PCDH15: variants seen among roughly 807,000 people sequenced by gnomAD.
The protein encoded by PCDH15 is protocadherin related 15.
PCDH15 carries 129 observed loss-of-function variants against 178.5 expected under a neutral mutation model. The ratio of observed to expected loss-of-function variants is 0.72; its 90% confidence interval spans 0.63 to 0.84. PCDH15 has a LOEUF of 0.84. Ranked by LOEUF, PCDH15 falls within the 40% of genes least tolerant of loss-of-function variation. PCDH15 has a pLI of 0.00. For missense variants in PCDH15, 2,230 were observed against 2,099.9 expected, an observed-to-expected ratio of 1.06 and a Z score of -1.21; for synonymous variants, 800 against 732.0, an observed-to-expected ratio of 1.09 and a Z score of -1.50.
Position 55,298,779 on chromosome 10 carries a change from C to T in PCDH15, c.-156+20820G>A, listed in dbSNP as rs546872016. ...CTTTTTAGTAGAGACGGTTTCACCA[C>T]GTTTGCCAGGCTGGTCTCCAACTCC... On this transcript the variant is annotated intron_variant, in intron 1 of 5. Transcript: ENST00000458638. 5.3e-5 allele frequency among the ~76,000 whole-genome samples: 8 copies of T among 152,110 alleles called. No individual in the cohort carries two copies. In the South Asian group the frequency reaches 6.2e-4, roughly 12 times the overall value.
intron 2 of PCDH15, among the ~76,000 whole-genome samples, chr10:55,412,246 T>G (rs1310091199): frequency 6.6e-6 from 1 of 152,028 alleles, no homozygotes; most frequent in Non-Finnish European, 1.5e-5. Context: ...GAGATGCAGT[T>G]GACTAGTTGG....
intron 32 of PCDH15, chr10:53,823,094 C>A: frequency 1.2e-6 from 2 of 1,613,888 alleles, no homozygotes; most frequent in Non-Finnish European, 1.7e-6. Context: ...AATCTGTTCT[C>A]TGTGAAATGT....
chr10:55,625,662 A>C (rs746107555), intron 2 of PCDH15, among the ~76,000 whole-genome samples: 3 of 152,176 alleles, frequency 2.0e-5, no homozygotes, highest in Non-Finnish European at 2.9e-5. Flanking sequence ...TTGGGATTCT[A>C]AAGTCTTTTC....
At chr10:54,922,904 C>T (rs1837529973) in intron 2 of PCDH15, among the ~76,000 whole-genome samples, 2 of 152,180 alleles carry the variant, frequency 1.3e-5, no homozygotes, top group African/African-American at 4.8e-5. Context: ...CTTCTCACAG[C>T]TTCACTAGGG....
chr10:53,937,563 A>G (rs541775589), intron 25 of PCDH15, among the ~76,000 whole-genome samples: 86 of 152,310 alleles, frequency 5.6e-4, no homozygotes, highest in Admixed American at 3.7e-3. Context: ...ATAATTATTG[A>G]GGACAATTCA....
At chr10:55,093,281 CA>C (rs1391877846) in intron 2 of PCDH15, among the ~76,000 whole-genome samples, 1 of 151,752 alleles carries the variant, frequency 6.6e-6, no homozygotes, top group Non-Finnish European at 1.5e-5. Context: ...TAATGTGTCA[CA>C]AATTGTAATT....
intron 10 of PCDH15, among the ~76,000 whole-genome samples, chr10:54,196,323 T>C (rs2049646129): frequency 6.6e-6 from 1 of 151,942 alleles, no homozygotes; most frequent in Non-Finnish European, 1.5e-5. Flanking sequence ...TTTGTATTTT[T>C]AGTAGAGACA....
chr10:55,100,690 T>C (rs1842556757), intron 2 of PCDH15, among the ~76,000 whole-genome samples: 1 of 152,104 alleles, frequency 6.6e-6, no homozygotes, highest in Admixed American at 6.6e-5. Context: ...TGAGAAATCA[T>C]GCATCCCCAC....
chr10:54,329,598 T>G lies in PCDH15; in HGVS notation c.703A>C (p.Asn235His), dbSNP rs1938986298. The change falls in exon 7 of 38, where the codon AAT becomes CAT. Residue 235 changes from asparagine to histidine, a missense_variant and splice_region_variant. Asn to His is a moderately conservative substitution (Grantham distance 68). Coordinates refer to ENST00000644397, the MANE Select transcript of PCDH15 (RefSeq NM_001384140.1). The stretch of plus-strand genomic sequence containing the variant: ...TTTAAAAGAAATTGAATACTCACAT[T>G]AGCTTGGATTATGACAAAGTAGCGA... ...KTRYFVIIQA[N>H]DRAQNLNERR... 6.4e-7 allele frequency: 1 copy of G among 1,574,798 alleles called. No homozygotes were observed.
At chr10:54,269,233 G>C (rs1050844307) in intron 8 of PCDH15, among the ~76,000 whole-genome samples, 1 of 151,768 alleles carries the variant, frequency 6.6e-6, no homozygotes, top group Non-Finnish European at 1.5e-5. Flanking sequence ...AAACCAATAG[G>C]TGTTTTTCAG....
intron 2 of PCDH15, among the ~76,000 whole-genome samples, chr10:55,076,063 T>G (rs1402531111): frequency 1.3e-5 from 2 of 152,180 alleles, no homozygotes; most frequent in Admixed American, 1.3e-4. Flanking sequence ...TTTCTTGGAA[T>G]TGATTTCTAG....
intron 8 of PCDH15, among the ~76,000 whole-genome samples, chr10:54,308,801 A>G (rs2060712608): frequency 6.6e-6 from 1 of 151,428 alleles, no homozygotes; most frequent in African/African-American, 2.4e-5. Flanking sequence ...ACCCCCAGAC[A>G]GGCCCCCATG....
chr10:54,345,460 T>TG, intron 6 of PCDH15, among the ~76,000 whole-genome samples: 1 of 152,206 alleles, frequency 6.6e-6, no homozygotes, highest in Non-Finnish European at 1.5e-5. Flanking sequence ...ATAATTGCTT[T>TG]GGGGGGCCCG....
intron 8 of PCDH15, among the ~76,000 whole-genome samples, chr10:54,266,458 A>G (rs2057697010): frequency 6.6e-6 from 1 of 151,942 alleles, no homozygotes; most frequent in Non-Finnish European, 1.5e-5. Flanking sequence ...AACAAAAATA[A>G]GAACAGGACT....
intron 13 of PCDH15, among the ~76,000 whole-genome samples, chr10:54,160,810 A>G (rs1590866399): frequency 6.6e-6 from 1 of 152,192 alleles, no homozygotes. Flanking sequence ...AAGTATCTCA[A>G]ATTAATTTGT....
At chr10:54,785,207 T>C (rs540105962) in intron 1 of PCDH15, among the ~76,000 whole-genome samples, 1 of 152,162 alleles carries the variant, frequency 6.6e-6, no homozygotes, top group African/African-American at 2.4e-5. Flanking sequence ...CTCAAACTTT[T>C]GGTGATCAGA....
chr10:54,060,136 T>C (rs576361608), intron 18 of PCDH15, among the ~76,000 whole-genome samples: 1 of 152,394 alleles, frequency 6.6e-6, no homozygotes, highest in East Asian at 1.9e-4. Flanking sequence ...TATGTTCATG[T>C]ACTAAATGTT....
At position 54,743,007 on chromosome 10, in the gene PCDH15, G is replaced by C. The variant is rs74607059; in HGVS notation, c.-29+57918C>G. ...TTTATCTAACCGTTTGAAAAAAGAA[G>C]GGATAGGTGTCCACAACACAGTGCG... On this transcript the variant is annotated intron_variant, in intron 1 of 37. Coordinates refer to ENST00000644397, the MANE Select transcript of PCDH15 (RefSeq NM_001384140.1). 1.8e-3 allele frequency among the ~76,000 whole-genome samples: 267 copies of C among 152,054 alleles called. 3 individuals are homozygous for C. In the South Asian group the frequency reaches 0.025, roughly 14 times the overall value.
chr10:54,269,068 T>G (rs2057883642), intron 8 of PCDH15, among the ~76,000 whole-genome samples: 1 of 151,950 alleles, frequency 6.6e-6, no homozygotes, highest in Non-Finnish European at 1.5e-5. Context: ...CAATTATGGC[T>G]ACATTTTCTT....
Sources: gnomAD v4.1 joint callset for allele counts (sites outside exome capture counted in the v4.1 genomes callset) on GRCh38, gnomAD v4.1.1 for gene constraint, MANE v1.5 for transcripts, NCBI Gene and HGNC (gene_info 2026-07-23, HGNC 2026-07-21) for gene names.